The following IFT46 variants were observed in gnomAD, a reference collection of about 807,000 sequenced individuals.
The protein encoded by IFT46 is intraflagellar transport 46.
IFT46 carries 19 observed loss-of-function variants against 39.6 expected under a neutral mutation model. That is an observed-to-expected ratio of 0.48 (90% CI 0.33 to 0.70). IFT46 has a LOEUF of 0.70. IFT46 is among the 30% of genes least tolerant of loss of function. IFT46 has a pLI of 0.01. For missense variants in IFT46, 334 were observed against 364.8 expected (o/e 0.92, Z 0.69); for synonymous variants, 117 against 134.8 (o/e 0.87, Z 0.91).
chr11:118,559,639 T>C, intron 3 of IFT46, 146 bp downstream of exon 3: 1 of 703,012 alleles, frequency 1.4e-6, no homozygotes, highest in South Asian at 1.6e-5. Flanking sequence ...CAAGGCTCTT[T>C]GTAACTGATT....
chr11:118,576,462 T>C (rs192410385), upstream of IFT46, among the ~76,000 whole-genome samples: 1,010 of 150,328 alleles, frequency 6.7e-3, 11 homozygotes, highest in African/African-American at 0.022. Context: ...AAAAACTTTG[T>C]AATCATATTT....
chr11:118,553,859 T>C (rs781826808), intron 7 of IFT46, among the ~76,000 whole-genome samples: 4 of 152,066 alleles, frequency 2.6e-5, no homozygotes, highest in Admixed American at 6.5e-5. Context: ...GAGGAGTGAA[T>C]AGTAATGGGT....
At chr11:118,574,878 C>T (rs931253898), upstream of IFT46, among the ~76,000 whole-genome samples, 11 of 152,144 alleles carry the variant, frequency 7.2e-5, no homozygotes, top group African/African-American at 1.9e-4. Context: ...GCAATCCTCC[C>T]GCCTCCATAT....
intron 3 of IFT46, 32 bp downstream of exon 3, chr11:118,559,753 A>AC (rs1555070230): frequency 1.3e-6 from 2 of 1,586,394 alleles, no homozygotes; most frequent in African/African-American, 2.7e-5. Context: ...CCAAAGCAGA[A>AC]ATTCTACAAG....
intron 2 of IFT46, chr11:118,560,819 T>C (rs1938030110): frequency 5.3e-6 from 4 of 747,932 alleles, no homozygotes; most frequent in Middle Eastern, 3.7e-4. Flanking sequence ...TAAAAATAAA[T>C]ACAACACACC....
chr11:118,557,692 C>A (rs534519425), intron 3 of IFT46: 1 of 1,607,400 alleles, frequency 6.2e-7, no homozygotes. Flanking sequence ...ACTACACATT[C>A]TCTCTCAAGA....
At chr11:118,556,835 C>T (rs1445431929) in intron 4 of IFT46, 71 bp downstream of exon 4, 59 of 1,442,684 alleles carry the variant, frequency 4.1e-5, no homozygotes, top group Admixed American at 1.2e-4. Flanking sequence ...TTCTAACTGA[C>T]GTCCTCCCAC....
At chr11:118,569,239 A>G (rs943866827), upstream of IFT46, among the ~76,000 whole-genome samples, 4 of 151,442 alleles carry the variant, frequency 2.6e-5, no homozygotes, top group Non-Finnish European at 5.9e-5. Context: ...AGATCATACC[A>G]TTGCACTCCA....
At chr11:118,558,969 C>T (rs193081804) in intron 3 of IFT46, among the ~76,000 whole-genome samples, 389 of 147,754 alleles carry the variant, frequency 2.6e-3, no homozygotes, top group Non-Finnish European at 3.6e-3. Context: ...TGCCTGTAAT[C>T]CCAGCACCTT....
At chr11:118,552,069 A>T in intron 8 of IFT46, 145 bp downstream of exon 8, 15 of 1,067,410 alleles carry the variant, frequency 1.4e-5, no homozygotes, top group Non-Finnish European at 2.1e-5. Flanking sequence ...TATGTCTACA[A>T]TCTCAGCCAG....
At chr11:118,552,432 T>TGTCATCAGCAAGCTCGAA in intron 7 of IFT46, 97 bp from the exon 8 acceptor site, 1 of 1,446,842 alleles carries the variant, frequency 6.9e-7, no homozygotes, top group Non-Finnish European at 9.4e-7. Context: ...ATATTCGAGC[T>TGTCATCAGCAAGCTCGAA]TGCTGATGAC....
chr11:118,545,039 A>C (rs1555066714), intron 11 of IFT46, 28 bp from the exon 12 acceptor site: 2 of 1,437,252 alleles, frequency 1.4e-6, no homozygotes, highest in African/African-American at 1.4e-5. Flanking sequence ...GGGAATATTG[A>C]GTATTAGGGA....
At chr11:118,557,095 T>C (rs1555069693) in intron 3 of IFT46, 50 bp from the exon 4 acceptor site, 2 of 1,494,558 alleles carry the variant, frequency 1.3e-6, no homozygotes, top group Admixed American at 4.5e-5. Flanking sequence ...AAAAATCAAA[T>C]GTACCTATGC....
chr11:118,556,808 A>C, intron 4 of IFT46, 98 bp downstream of exon 4: 1 of 1,386,188 alleles, frequency 7.2e-7, no homozygotes, highest in Non-Finnish European at 9.6e-7. Context: ...AGATCAAAAG[A>C]GATGCTGGAA....
At chr11:118,553,020 TACAGTGAGCCCCAA>T (rs1392940576) in intron 7 of IFT46, among the ~76,000 whole-genome samples, 2 of 151,558 alleles carry the variant, frequency 1.3e-5, no homozygotes, top group African/African-American at 2.4e-5. Context: ...AGATCGAGGC[TACAGTGAGCCCCAA>T]TCACACCACT....
exon 1 of IFT46, chr11:118,572,837 T>C (rs1938381484): frequency 4.7e-6 from 2 of 422,728 alleles, no homozygotes; most frequent in Non-Finnish European, 8.5e-6. Context: ...GCGTTTTTGC[T>C]CTGCGAGAAC....
upstream of IFT46, chr11:118,573,846 A>G (rs1290469218): frequency 7.8e-6 from 4 of 512,708 alleles, no homozygotes; most frequent in East Asian, 6.4e-5. Context: ...CAAAATTTCC[A>G]GAAACTTGTA....
At chr11:118,553,312 A>T (rs539337173) in intron 7 of IFT46, among the ~76,000 whole-genome samples, 1 of 151,728 alleles carries the variant, frequency 6.6e-6, no homozygotes, top group East Asian at 2.0e-4. Context: ...GTGGTGGTGC[A>T]TGCCTGTAAT....
intron 7 of IFT46, among the ~76,000 whole-genome samples, chr11:118,553,213 G>A (rs1937711741): frequency 6.6e-6 from 1 of 152,114 alleles, no homozygotes; most frequent in African/African-American, 2.4e-5. Flanking sequence ...AGGCCGAGGT[G>A]GGTGGATCAC....
Sources: allele counts gnomAD v4.1 joint callset (sites outside exome capture counted in the v4.1 genomes callset), GRCh38; gene constraint gnomAD v4.1.1; transcripts MANE v1.5; gene names NCBI Gene and HGNC (gene_info 2026-07-23, HGNC 2026-07-21).